JARID2: variants seen among roughly 807,000 people sequenced by gnomAD.
The protein encoded by JARID2 is protein Jumonji.
Under a neutral mutation model 125.6 loss-of-function variants are expected in JARID2, and 21 were observed. That is an observed-to-expected ratio of 0.17 (90% CI 0.12 to 0.24). The LOEUF (loss-of-function observed/expected upper bound fraction) is 0.24. JARID2 is among the 10% of genes least tolerant of loss of function. The pLI, the probability that JARID2 is intolerant of heterozygous loss-of-function variation, is 1.00. For synonymous variants in JARID2, 736 were observed against 661.6 expected (o/e 1.11, Z -1.73); for missense variants, 1,303 against 1,639.6 (o/e 0.79, Z 3.55).
At chr6:15,299,378 G>A (rs1479118542) in intron 1 of JARID2, among the ~76,000 whole-genome samples, 2 of 152,164 alleles carry the variant, frequency 1.3e-5, no homozygotes, top group Non-Finnish European at 2.9e-5. Flanking sequence ...GGATGACTGG[G>A]ATCATGAGTT....
At chr6:15,254,541 G>A (rs1246668125) in intron 1 of JARID2, among the ~76,000 whole-genome samples, 1 of 152,160 alleles carries the variant, frequency 6.6e-6, no homozygotes, top group Non-Finnish European at 1.5e-5. Flanking sequence ...AGATGCGGGT[G>A]TTAGAGAAAG....
intron 2 of JARID2, among the ~76,000 whole-genome samples, chr6:15,383,892 T>G (rs1403088558): frequency 1.3e-5 from 2 of 152,178 alleles, no homozygotes; most frequent in African/African-American, 4.8e-5. Flanking sequence ...CCTCTCAGGT[T>G]CAAGCAATTC....
chr6:15,379,816 A>G (rs1764509180), intron 2 of JARID2, among the ~76,000 whole-genome samples: 1 of 152,204 alleles, frequency 6.6e-6, no homozygotes, highest in South Asian at 2.1e-4. Flanking sequence ...TATTAAGTGG[A>G]AGCATGAGGA....
chr6:15,497,033 A>G lies in JARID2; in HGVS notation c.1808A>G (p.Asp603Gly). The G allele has an allele frequency of 6.2e-7, 1 of 1,613,116 alleles. No homozygotes were observed. The highest frequency in any genetic ancestry group is 1.7e-5 in the Admixed American group (1 of 59,980). Residue 603 changes from aspartate to glycine, a missense_variant, in exon 7 of 18, where the codon GAT becomes GGT. Transcript: ENST00000341776. ...PDWRPECKLN[D>G]EMRFVTQIQH... ...TGGCGGCCCGAGTGCAAGCTCAACG[A>G]TGAGATGCGGTTTGTCACGCAGATT... is the stretch of plus-strand genomic sequence containing the variant.
intron 1 of JARID2, among the ~76,000 whole-genome samples, chr6:15,298,775 T>C (rs1761500504): frequency 6.6e-6 from 1 of 152,086 alleles, no homozygotes; most frequent in Admixed American, 6.6e-5. Context: ...TTAGGATAAT[T>C]GCCTTTTCCA....
intron 2 of JARID2, among the ~76,000 whole-genome samples, chr6:15,382,737 G>C (rs1160747661): frequency 1.3e-5 from 2 of 152,358 alleles, no homozygotes; most frequent in East Asian, 3.9e-4. Flanking sequence ...ACGCTTCCTA[G>C]TAGGCATGGC....
intron 1 of JARID2, among the ~76,000 whole-genome samples, chr6:15,315,264 A>G (rs922465826): frequency 1.3e-5 from 2 of 152,214 alleles, no homozygotes; most frequent in African/African-American, 4.8e-5. Flanking sequence ...TTTTATTGCA[A>G]ACAACTTCCT....
At chr6:15,407,244 G>A (rs1765687415) in intron 2 of JARID2, among the ~76,000 whole-genome samples, 1 of 152,094 alleles carries the variant, frequency 6.6e-6, no homozygotes. Context: ...ATGGGTGACA[G>A]AGCAAGACCT....
At chr6:15,510,836 G>A (rs1018281006) in intron 12 of JARID2, among the ~76,000 whole-genome samples, 1 of 152,240 alleles carries the variant, frequency 6.6e-6, no homozygotes, top group African/African-American at 2.4e-5. Context: ...GTTCCTGTCT[G>A]GAGGGCCGAG....
At chr6:15,409,791 C>G (rs1765801316) in intron 2 of JARID2, among the ~76,000 whole-genome samples, 1 of 152,144 alleles carries the variant, frequency 6.6e-6, no homozygotes, top group Non-Finnish European at 1.5e-5. Flanking sequence ...GATGCCTTTT[C>G]TTGTGTGGCA....
At chr6:15,261,462 C>T (rs921178447) in intron 1 of JARID2, among the ~76,000 whole-genome samples, 1 of 151,934 alleles carries the variant, frequency 6.6e-6, no homozygotes, top group African/African-American at 2.4e-5. Flanking sequence ...GGACTACAGG[C>T]GTGCGCCACG....
intron 1 of JARID2, among the ~76,000 whole-genome samples, chr6:15,312,962 C>G (rs542730733): frequency 6.6e-6 from 1 of 152,152 alleles, no homozygotes; most frequent in South Asian, 2.1e-4. Context: ...GTTGTTCCGA[C>G]GAAAACACTG....
At chr6:15,335,030 A>G (rs1028196699) in intron 1 of JARID2, among the ~76,000 whole-genome samples, 2 of 152,092 alleles carry the variant, frequency 1.3e-5, no homozygotes, top group African/African-American at 4.8e-5. Context: ...AAGTCCATAG[A>G]TTTTAGGTTT....
In JARID2 at chr6:15,512,848, C is replaced by G; in HGVS notation, c.3136-67C>G. The G allele has an allele frequency of 2.7e-6, 4 of 1,493,156 alleles. No homozygotes were observed. The South Asian group carries it at 3.7e-5, about 14-fold the overall frequency. 92.5% of individuals were successfully genotyped at this position (1,493,156 alleles called of 1,614,324 possible). A position where few individuals can be genotyped will look rare whatever the true frequency, so the allele number is the denominator to read the frequency against. On this transcript the variant is annotated intron_variant, in intron 14 of 17. Transcript: ENST00000341776. ...CAGACAGCCTGCCTGCCCCCTCCAC[C>G]AAGAAGAACCTTGACAGCTGCCTAG...
intron 2 of JARID2, among the ~76,000 whole-genome samples, chr6:15,396,579 C>G (rs759761686): frequency 6.6e-6 from 1 of 152,168 alleles, no homozygotes; most frequent in Non-Finnish European, 1.5e-5. Context: ...TTACCAAACC[C>G]TGTATATACT....
At chr6:15,383,484 T>G (rs1357996629) in intron 2 of JARID2, among the ~76,000 whole-genome samples, 1 of 152,164 alleles carries the variant, frequency 6.6e-6, no homozygotes, top group Admixed American at 6.5e-5. Flanking sequence ...TTTCCCATAA[T>G]AAAGTAAAGC....
intron 1 of JARID2, among the ~76,000 whole-genome samples, chr6:15,358,698 C>T (rs776266360): frequency 2.6e-5 from 4 of 152,348 alleles, no homozygotes; most frequent in African/African-American, 7.2e-5. Flanking sequence ...CAAGCCATTC[C>T]GTGTGCTCTG....
intron 2 of JARID2, among the ~76,000 whole-genome samples, chr6:15,401,284 A>G (rs1189565280): frequency 1.3e-5 from 2 of 152,196 alleles, no homozygotes; most frequent in Non-Finnish European, 2.9e-5. Context: ...GGAAATTTAC[A>G]AGAGAGAATT....
chr6:15,507,740 A>ATT (rs890205624), intron 11 of JARID2, among the ~76,000 whole-genome samples: 16 of 152,284 alleles, frequency 1.1e-4, no homozygotes, highest in African/African-American at 3.8e-4. Flanking sequence ...GAAATCATGA[A>ATT]TTCTCAGGAT....
Sources: allele counts gnomAD v4.1 joint callset (sites outside exome capture counted in the v4.1 genomes callset), GRCh38; gene constraint gnomAD v4.1.1; transcripts MANE v1.5; gene names NCBI Gene and HGNC (gene_info 2026-07-23, HGNC 2026-07-21).